Variants in NRXN2 observed in about 807,000 individuals in gnomAD.
NRXN2 encodes the protein neurexin 2.
A neutral mutation model predicts 128.8 loss-of-function variants in NRXN2; 29 were observed. The ratio of observed to expected loss-of-function variants is 0.23; its 90% CI spans 0.17 to 0.31. The LOEUF (loss-of-function observed/expected upper bound fraction) is 0.31, where lower values mean the gene tolerates loss of function less well. NRXN2 is among the 10% of genes least tolerant of loss of function. The probability of loss-of-function intolerance (pLI) is 1.00; values close to 1 mark genes in which losing one functional copy is unlikely to be tolerated. For missense variants in NRXN2, 1,881 were observed against 2,452.6 expected (o/e 0.77, Z 4.92); for synonymous variants, 1,098 against 1,075.2 (o/e 1.02, Z -0.41).
chr11:64,654,763 C>T (rs538413901), intron 11 of NRXN2, among the ~76,000 whole-genome samples: 12 of 152,210 alleles, frequency 7.9e-5, no homozygotes, highest in Non-Finnish European at 1.8e-4. Flanking sequence ...CCAAGCCTGA[C>T]GCAGCCCAAG....
intron 22 of NRXN2, among the ~76,000 whole-genome samples, chr11:64,616,444 T>A (rs2041538923): frequency 6.6e-6 from 1 of 152,168 alleles, no homozygotes; most frequent in Admixed American, 6.5e-5. Flanking sequence ...GAAACACATG[T>A]GAGCATCTGC....
At position 64,652,051 on chromosome 11, in the gene NRXN2, G is replaced by T; in HGVS notation, c.2520C>A (p.Asp840Glu). 1 of 1,612,710 alleles carries T rather than the reference G, an allele frequency of 6.2e-7. No individual in the cohort carries two copies. Residue 840 changes from aspartate (D) to glutamate (E), a missense_variant, in exon 13 of 23, where the codon GAC (aspartate) becomes GAA (glutamate). This residue lies in a region of NRXN2 where 997 missense variants were observed against 1,240.8 expected (regional missense o/e 0.80). Coordinates refer to ENST00000265459, the MANE Select transcript of NRXN2 (RefSeq NM_015080.4). Reference protein sequence around the residue: ...RRGKSLQLSVDNVTVEGQMAG... With the variant: ...RRGKSLQLSVENVTVEGQMAG... ...ACCACCTACCCTCCACAGTCACGTT[G>T]TCCACAGACAGCTGCAGGCTCTTGC...
intron 17 of NRXN2, chr11:64,642,809 C>T: frequency 2.6e-6 from 3 of 1,133,640 alleles, no homozygotes; most frequent in South Asian, 8.5e-5. Flanking sequence ...GGCATTTCGG[C>T]CCGGGGGCGA....
At position 64,635,264 on chromosome 11, in the gene NRXN2, T is replaced by G; in HGVS notation, c.3585+7A>C. ...GAGGTTGAAGGGTTGGGGCCCAGGGTCCTTACGATGTGCAGCTGCAGGTAG... is the reference window on the plus strand; with the variant it reads ...GAGGTTGAAGGGTTGGGGCCCAGGGGCCTTACGATGTGCAGCTGCAGGTAG... On this transcript the variant is annotated splice_region_variant and intron_variant, in intron 18 of 22. Transcript: ENST00000265459. This position sits in a 1 kb window ranked among gnomAD's most constrained non-coding sequence, Gnocchi z 4.8. 1 of 1,611,758 alleles carries G rather than the reference T, an allele frequency of 6.2e-7. No individual in the cohort carries two copies. The highest frequency in any genetic ancestry group is 8.5e-7 in the Non-Finnish European group (1 of 1,179,852).
In NRXN2 at chr11:64,607,136, C is replaced by T; in HGVS notation, c.*60G>A. 2.6e-6 allele frequency: 4 copies of T among 1,566,444 alleles called. No homozygotes were observed. The South Asian group carries it at 3.4e-5, about 14-fold the overall frequency. On this transcript the variant is annotated 3_prime_UTR_variant, in exon 23 of 23. Coordinates refer to ENST00000265459, the MANE Select transcript of NRXN2 (RefSeq NM_015080.4). ...CAGGCCCCTGGCAGGGAGAGGGTGG[C>T]ACCCTCCTCCCGGGCCCTCCCAGGA...
intron 17 of NRXN2, among the ~76,000 whole-genome samples, chr11:64,647,766 TC>T (rs1418192191): frequency 6.6e-6 from 1 of 152,204 alleles, no homozygotes; most frequent in African/African-American, 2.4e-5. Context: ...AATAACAGAT[TC>T]CCACTTCATG....
rs750115075 is a variant in NRXN2, at chr11:64,648,438, T to C, written c.3284-100A>G. ...AGAGCCAGGCAGAGAGGTCCTACTC[T>C]GAGCTCTGCCTGGCTGAAAGGGCCA... On this transcript the variant is annotated intron_variant, in intron 16 of 22. Coordinates refer to ENST00000265459, the MANE Select transcript of NRXN2 (RefSeq NM_015080.4). This position sits in a 1 kb window ranked among gnomAD's most constrained non-coding sequence, Gnocchi z 4.1. 3.8e-6 allele frequency: 6 copies of C among 1,574,342 alleles called. No homozygotes were observed. Among genetic ancestry groups the C allele is most frequent in the Middle Eastern group, 2.1e-4 (1 of 4,730 alleles).
chr11:64,656,924 A>G (rs1435595310), intron 11 of NRXN2, among the ~76,000 whole-genome samples: 1 of 152,000 alleles, frequency 6.6e-6, no homozygotes, highest in Non-Finnish European at 1.5e-5. Context: ...TCCCTCTCTT[A>G]TCTAGCAAAT....
Position 64,648,789 on chromosome 11 carries a change from T to C in NRXN2, c.3228A>G (p.Pro1076=), listed in dbSNP as rs371180957. The part of the protein sequence containing the change: ...LASVDLNGRL[P]DLIADALHRI... ...GGTGCAGGGCGTCGGCGATGAGGTC[T>C]GGGAGACGTCCGTTGAGGTCCACTG... Residue 1076 remains proline, a synonymous_variant, in exon 16 of 23, where the codon CCA becomes CCG. Coordinates refer to ENST00000265459, the MANE Select transcript of NRXN2 (RefSeq NM_015080.4). This position sits in a 1 kb window ranked among gnomAD's most constrained non-coding sequence, Gnocchi z 4.1. 128 of 1,614,080 alleles carry C rather than the reference T, an allele frequency of 7.9e-5. No individual in the cohort carries two copies. Among genetic ancestry groups the C allele is most frequent in the Admixed American group, 2.8e-4 (17 of 60,010 alleles).
intron 7 of NRXN2, among the ~76,000 whole-genome samples, chr11:64,670,543 G>A (rs953892194): frequency 2.0e-5 from 3 of 152,128 alleles, no homozygotes; most frequent in Non-Finnish European, 4.4e-5. Flanking sequence ...CACTCTGCCT[G>A]ATGCTGCACT....
At chr11:64,709,428 T>C (rs2056677226) in intron 2 of NRXN2, among the ~76,000 whole-genome samples, 1 of 151,692 alleles carries the variant, frequency 6.6e-6, no homozygotes, top group South Asian at 2.1e-4. Flanking sequence ...CGAAGTATAA[T>C]GAGCACAAGA....
chr11:64,649,082 C>A (rs1305182662), intron 15 of NRXN2, among the ~76,000 whole-genome samples, 175 bp from the exon 16 acceptor site: 1 of 152,188 alleles, frequency 6.6e-6, no homozygotes, highest in Non-Finnish European at 1.5e-5. Flanking sequence ...CAACACACTT[C>A]TTCCTTCTCC....
rs540474464 is a variant in NRXN2, at chr11:64,648,524, T to C, written c.3284-186A>G. Among the ~76,000 whole-genome samples, 10 of 152,242 alleles carry C rather than the reference T, an allele frequency of 6.6e-5. No homozygotes were observed. The South Asian group carries it at 2.1e-3, about 32-fold the overall frequency. On this transcript the variant is annotated intron_variant, in intron 16 of 22. Coordinates refer to ENST00000265459, the MANE Select transcript of NRXN2 (RefSeq NM_015080.4). This position sits in a 1 kb window ranked among gnomAD's most constrained non-coding sequence, Gnocchi z 4.1. ...GTCTGCTAGGCTTGGCCTTGGACTG[T>C]GACAAGGGGCCAGGGTGTGAGACAA... is the stretch of plus-strand genomic sequence containing the variant.
intron 22 of NRXN2, among the ~76,000 whole-genome samples, chr11:64,615,829 CGT>C (rs34781745): frequency 0.46 from 63,289 of 138,144 alleles, 15,812 homozygotes; most frequent in Non-Finnish European, 0.62. Context: ...TAGGCCCAAG[CGT>C]GTGTGTGTGT....
In NRXN2 at chr11:64,648,453, T is replaced by A; in HGVS notation, c.3284-115A>T. 6.5e-7 allele frequency: 1 copy of A among 1,527,246 alleles called. No homozygotes were observed. Among genetic ancestry groups the A allele is most frequent in the Non-Finnish European group, 9.0e-7 (1 of 1,110,652 alleles). The allele number at this position is 1,527,246 out of a possible 1,614,324, so 94.6% of individuals were successfully genotyped here. A position where few individuals can be genotyped will look rare whatever the true frequency, so the allele number is the denominator to read the frequency against. On this transcript the variant is annotated intron_variant, in intron 16 of 22. Transcript: ENST00000265459. This position sits in a 1 kb window ranked among gnomAD's most constrained non-coding sequence, Gnocchi z 4.1. ...GGTCCTACTCTGAGCTCTGCCTGGCTGAAAGGGCCAAGTACTGATGACAGG... is the reference window on the plus strand; with the variant it reads ...GGTCCTACTCTGAGCTCTGCCTGGCAGAAAGGGCCAAGTACTGATGACAGG...
intron 22 of NRXN2, among the ~76,000 whole-genome samples, chr11:64,610,509 T>G (rs1382031863): frequency 6.6e-6 from 1 of 152,142 alleles, no homozygotes; most frequent in East Asian, 1.9e-4. Context: ...ACTCTTGGCT[T>G]GGATGCTAAC....
Position 64,607,698 on chromosome 11 carries a change from G to A in NRXN2, c.4637C>T (p.Ala1546Val), listed in dbSNP as rs777003832. The A allele has an allele frequency of 4.5e-6, 7 of 1,543,332 alleles. No individual in the cohort carries two copies. The Admixed American group carries it at 5.9e-5, about 13-fold the overall frequency. ...GGAGGGGGCAAACAGCACCCCAGGG[G>A]CGCCCGTGGCCCCATCTGTCCTGAG... ...PNLRTDGATG[A>V]PGVLFAPSAP... The change falls in exon 23 of 23, where the codon GCC becomes GTC. Residue 1546 changes from alanine to valine, a missense_variant. Ala to Val is a moderately conservative substitution (Grantham distance 64). This residue lies in a region of NRXN2 where 310 missense variants were observed against 318.2 expected (regional missense o/e 0.97). Transcript: ENST00000265459.
chr11:64,607,517 G>C lies in NRXN2; in HGVS notation c.4818C>G (p.Phe1606Leu). 6.3e-7 allele frequency: 1 copy of C among 1,587,826 alleles called. No individual in the cohort carries two copies. The change falls in exon 23 of 23, where the codon TTC (phenylalanine) becomes TTG (leucine). Residue 1606 changes from phenylalanine to leucine, a missense_variant. This residue lies in a region of NRXN2 where 310 missense variants were observed against 318.2 expected (regional missense o/e 0.97). Coordinates refer to ENST00000265459, the MANE Select transcript of NRXN2 (RefSeq NM_015080.4). Reference protein sequence around the residue: ...LRPGVTSAPGFPHLPTANPTG... With the variant: ...LRPGVTSAPGLPHLPTANPTG... ...TGGGGTTGGCTGTGGGCAGATGGGG[G>C]AAGCCGGGGGCTGAGGTCACGCCGG...
rs1235451701 is a variant in NRXN2 at position 64,607,446 on chromosome 11, C to A, written c.4889G>T (p.Arg1630Leu). ...CATGCCCGTGGTGCTGCTGGACTCC[C>A]GGATCACCTCCACTGCGCCCGGCGG... ...RGPPGAVEVI[R>L]ESSSTTGMVV... The change falls in exon 23 of 23, where the codon CGG (arginine) becomes CTG (leucine). Residue 1630 changes from arginine (R) to leucine (L), a missense_variant. Transcript: ENST00000265459. 2.5e-6 allele frequency: 4 copies of A among 1,612,248 alleles called. No individual in the cohort carries two copies. Among genetic ancestry groups the A allele is most frequent in the Non-Finnish European group, 2.5e-6 (3 of 1,179,866 alleles).
Sources: gnomAD v4.1 joint callset for allele counts (sites outside exome capture counted in the v4.1 genomes callset) on GRCh38, gnomAD v4.1.1 for gene constraint, gnomAD v4.1.1 regional missense constraint, Gnocchi (gnomAD v3.1) non-coding constraint, MANE v1.5 for transcripts, NCBI Gene and HGNC (gene_info 2026-07-23, HGNC 2026-07-21) for gene names.